Variants in TTLL7 observed in about 807,000 individuals in gnomAD.
The protein encoded by TTLL7 is tubulin polyglutamylase TTLL7.
Under a neutral mutation model 120.2 loss-of-function variants are expected in TTLL7, and 53 were observed. The observed-to-expected ratio is 0.44, with a 90% CI of 0.35 to 0.55. TTLL7 has a LOEUF of 0.55. Among genes scored for constraint, TTLL7 ranks in the 20% least tolerant of loss-of-function variants. TTLL7 has a pLI of 0.00. For missense variants in TTLL7, 803 were observed against 1,054.7 expected (o/e 0.76, Z 3.31); for synonymous variants, 353 against 351.7 (o/e 1.00, Z -0.04).
At chr1:83,982,396 G>GA (rs1291578893) in intron 1 of TTLL7, among the ~76,000 whole-genome samples, 3 of 151,464 alleles carry the variant, frequency 2.0e-5, no homozygotes, top group South Asian at 2.1e-4. Flanking sequence ...AAAGTAGACA[G>GA]AAAAAAAACT....
chr1:83,933,482 T>G lies in TTLL7; in HGVS notation c.1047+126A>C, dbSNP rs192571336. On this transcript the variant is annotated intron_variant, in intron 9 of 20. Transcript: ENST00000260505. ...TGAATTTTTATCCTCTTCTTCCCAC[T>G]TATTCCATTCAGCCTTCATTCTGGA... 1.6e-4 allele frequency: 157 copies of G among 963,304 alleles called. 1 individual carries two copies. The East Asian group carries it at 3.9e-3, about 24-fold the overall frequency. 59.7% of individuals were successfully genotyped at this position (963,304 alleles called of 1,614,324 possible). A position where few individuals can be genotyped will look rare whatever the true frequency, so the allele number is the denominator to read the frequency against.
chr1:83,978,294 T>C lies in TTLL7; in HGVS notation c.-177+20637A>G, dbSNP rs1016988474. On this transcript the variant is annotated intron_variant, in intron 1 of 20. Coordinates refer to ENST00000260505, the MANE Select transcript of TTLL7 (RefSeq NM_024686.6). ...AATATATGAACTGATGAAGCTTTTC[T>C]TTCTCAGCTTCCCAATCCTTTTTAG... Among the ~76,000 whole-genome samples the C allele has an allele frequency of 3.3e-5, 5 of 152,308 alleles. No individual in the cohort carries two copies. In the East Asian group the frequency reaches 9.6e-4, roughly 29 times the overall value.
chr1:83,905,066 G>T (rs1657066142), intron 17 of TTLL7, among the ~76,000 whole-genome samples: 1 of 151,626 alleles, frequency 6.6e-6, no homozygotes, highest in Non-Finnish European at 1.5e-5. Flanking sequence ...AAAAAGATGG[G>T]ATATAACTAA....
chr1:83,966,082 T>C (rs1650434394), intron 1 of TTLL7, among the ~76,000 whole-genome samples: 1 of 152,190 alleles, frequency 6.6e-6, no homozygotes. Context: ...GCTTTGAAGA[T>C]ACTTTGTAGA....
At chr1:83,913,377 A>G (rs916743262) in intron 14 of TTLL7, among the ~76,000 whole-genome samples, 2 of 152,192 alleles carry the variant, frequency 1.3e-5, no homozygotes, top group African/African-American at 4.8e-5. Context: ...CACCAACCTA[A>G]TACTTCATGT....
intron 3 of TTLL7, among the ~76,000 whole-genome samples, chr1:83,951,177 G>A (rs981175941): frequency 6.6e-6 from 1 of 152,092 alleles, no homozygotes; most frequent in Non-Finnish European, 1.5e-5. Context: ...GTGAAACCCC[G>A]TCCCTACTAA....
intron 1 of TTLL7, among the ~76,000 whole-genome samples, chr1:83,995,945 G>A (rs191989842): frequency 1.4e-3 from 211 of 152,058 alleles, no homozygotes; most frequent in African/African-American, 4.9e-3. Context: ...CTGCTATTAG[G>A]CATTTTAAAC....
chr1:83,916,643 T>A (rs12133949), intron 14 of TTLL7, among the ~76,000 whole-genome samples: 6,374 of 151,338 alleles, frequency 0.042, 160 homozygotes, highest in Middle Eastern at 0.099. Context: ...AGTATAATTT[T>A]AAAAAAAAGA....
Position 83,867,838 on chromosome 1 carries a change from A to T in TTLL7, c.*2124T>A, listed in dbSNP as rs1353260681. 6.6e-6 allele frequency: 1 copy of T among 151,914 alleles called. No homozygotes were observed. The highest frequency in any genetic ancestry group is 1.5e-5 in the Non-Finnish European group (1 of 67,896). 9.4% of individuals were successfully genotyped at this position (151,914 alleles called of 1,614,324 possible). ...CTTTATGGTGATTCTGTAATATCCC[A>T]ATTTTTGCATTATTTTTTCTAAAAA... On this transcript the variant is annotated 3_prime_UTR_variant, in exon 21 of 21. Coordinates refer to ENST00000260505, the MANE Select transcript of TTLL7 (RefSeq NM_024686.6).
intron 15 of TTLL7, among the ~76,000 whole-genome samples, chr1:83,910,704 A>G (rs370928376): frequency 2.1e-4 from 32 of 152,100 alleles, no homozygotes; most frequent in African/African-American, 7.2e-4. Flanking sequence ...AACTCCAACT[A>G]TTTCACAATT....
Position 83,883,097 on chromosome 1 carries a change from C to T in TTLL7, c.2409G>A (p.Val803=). 1 of 1,610,496 alleles carries T rather than the reference C, an allele frequency of 6.2e-7. No homozygotes were observed. The highest frequency in any genetic ancestry group is 1.3e-5 in the African/African-American group (1 of 74,782). Residue 803 remains valine (V), a synonymous_variant, in exon 20 of 21, where the codon GTG becomes GTA. Coordinates refer to ENST00000260505, the MANE Select transcript of TTLL7 (RefSeq NM_024686.6). ...WESIFNKSPE[V]VTPLQLQCCQ... ...AACACTGGAGCTGCAAAGGAGTCAC[C>T]ACCTCCGGGCTTTTATTGAATATAC...
intron 20 of TTLL7, among the ~76,000 whole-genome samples, chr1:83,878,201 G>T (rs1415255152): frequency 1.6e-4 from 23 of 143,666 alleles, no homozygotes; most frequent in African/African-American, 2.3e-4. Context: ...ATTTGGGTTT[G>T]TTTTTTTTTT....
In TTLL7 at chr1:83,948,797, A is replaced by G. The variant is rs575259522; in HGVS notation, c.280-102T>C. 3.4e-5 allele frequency: 25 copies of G among 740,950 alleles called. No individual in the cohort carries two copies. In the South Asian group the frequency reaches 5.2e-4, roughly 15 times the overall value. The allele number at this position is 740,950 out of a possible 1,614,324, so 45.9% of individuals were successfully genotyped here. A position where few individuals can be genotyped will look rare whatever the true frequency, so the allele number is the denominator to read the frequency against. On this transcript the variant is annotated intron_variant, in intron 4 of 20. Transcript: ENST00000260505. ...CATCCTTTGAGTTTTATGTTTTAAT[A>G]AACTGCCAATTATTAATCTAAAAGA...
Position 83,942,573 on chromosome 1 carries a change from G to C in TTLL7, c.613C>G (p.Arg205Gly). 6.2e-7 allele frequency: 1 copy of C among 1,613,860 alleles called. No homozygotes were observed. Among genetic ancestry groups the C allele is most frequent in the East Asian group, 2.2e-5 (1 of 44,856 alleles). The stretch of plus-strand genomic sequence containing the variant: ...CACGATGTAACCAGAATATAAATTC[G>C]TAAGTCAAACTTGTAACCTTCCATT... ...FLMEGYKFDL[R>G]IYILVTSCDP... Residue 205 changes from arginine (R) to glycine (G), a missense_variant, in exon 7 of 21, where the codon CGA becomes GGA. By Grantham distance (125) the Arg-to-Gly change is moderately radical. Around this residue, in one of 3 missense-constraint regions of TTLL7, gnomAD observed 324 missense variants for 507.7 expected, o/e 0.64. Transcript: ENST00000260505.
intron 9 of TTLL7, among the ~76,000 whole-genome samples, chr1:83,932,873 C>T (rs72936280): frequency 9.9e-5 from 15 of 152,206 alleles, no homozygotes; most frequent in African/African-American, 3.6e-4. Context: ...AAGGGAACTG[C>T]TGGATGGGAT....
At chr1:83,880,261 C>G (rs1462005834) in intron 20 of TTLL7, 1 of 151,716 alleles carries the variant, frequency 6.6e-6, no homozygotes, top group African/African-American at 2.4e-5. Context: ...TAATGGTTAC[C>G]TTTACCACTG....
At chr1:83,901,417 T>C (rs1656714472) in intron 18 of TTLL7, among the ~76,000 whole-genome samples, 1 of 152,028 alleles carries the variant, frequency 6.6e-6, no homozygotes, top group Non-Finnish European at 1.5e-5. Context: ...GGAAAAATCA[T>C]CTTTTCTCTA....
intron 20 of TTLL7, among the ~76,000 whole-genome samples, chr1:83,879,370 C>A (rs1274544815): frequency 6.6e-6 from 1 of 152,058 alleles, no homozygotes; most frequent in Admixed American, 6.6e-5. Flanking sequence ...TTACCAGAAC[C>A]AAATTATCTG....
At chr1:83,892,041 C>A (rs984265769) in intron 18 of TTLL7, among the ~76,000 whole-genome samples, 1 of 151,692 alleles carries the variant, frequency 6.6e-6, no homozygotes, top group Non-Finnish European at 1.5e-5. Flanking sequence ...ATTGCCCAGG[C>A]TGGTCTTGAA....
Sources: gnomAD v4.1 joint callset for allele counts (sites outside exome capture counted in the v4.1 genomes callset) on GRCh38, gnomAD v4.1.1 for gene constraint, gnomAD v4.1.1 regional missense constraint, MANE v1.5 for transcripts, NCBI Gene and HGNC (gene_info 2026-07-23, HGNC 2026-07-21) for gene names.